The following RABGAP1L variants were observed in gnomAD, a reference collection of about 807,000 sequenced individuals.
RABGAP1L encodes the protein RAB GTPase activating protein 1 like.
Under a neutral mutation model 137.7 loss-of-function variants are expected in RABGAP1L, and 63 were observed. The ratio of observed to expected loss-of-function variants is 0.46; its 90% CI spans 0.37 to 0.56. RABGAP1L has a LOEUF of 0.56. RABGAP1L is among the 20% of genes least tolerant of loss of function. The pLI, the probability that RABGAP1L is intolerant of heterozygous loss-of-function variation, is 0.00. For missense variants in RABGAP1L, 1,095 were observed against 1,244.0 expected, an observed-to-expected ratio of 0.88 and a Z score of 1.80; for synonymous variants, 431 against 433.7, an observed-to-expected ratio of 0.99 and a Z score of 0.08.
chr1:174,925,848 G>GT (rs1662697472), intron 19 of RABGAP1L, among the ~76,000 whole-genome samples: 1 of 128,550 alleles, frequency 7.8e-6, no homozygotes, highest in East Asian at 2.3e-4. Flanking sequence ...GGTTTTTTGG[G>GT]TTTGTTGTTG....
intron 13 of RABGAP1L, among the ~76,000 whole-genome samples, chr1:174,471,824 A>C (rs1657974220): frequency 1.3e-5 from 2 of 152,186 alleles, no homozygotes; most frequent in South Asian, 4.1e-4. Context: ...TGGCGTTCAT[A>C]TATTGAACCC....
Position 174,872,563 on chromosome 1 carries a change from A to AT in RABGAP1L, c.2340+60617dup, listed in dbSNP as rs11321142. ...AGAATTTTATCTTTCTTATAGTTCT[A>AT]TTTTTTTTTTTTTTAAGAGGCAGCA... is the stretch of plus-strand genomic sequence containing the variant. On this transcript the variant is annotated intron_variant, in intron 19 of 25. Transcript: ENST00000681986. Among the ~76,000 whole-genome samples, 327 of 143,964 alleles carry AT rather than the reference A, an allele frequency of 2.3e-3. 1 individual carries two copies. Among genetic ancestry groups the AT allele is most frequent in the African/African-American group, 4.4e-3 (171 of 39,160 alleles). The allele number at this position is 143,964 out of a possible 152,430, so 94.4% of individuals were successfully genotyped here. A position where few individuals can be genotyped will look rare whatever the true frequency, so the allele number is the denominator to read the frequency against.
intron 1 of RABGAP1L, among the ~76,000 whole-genome samples, chr1:174,196,414 C>T (rs1218849220): frequency 6.6e-6 from 1 of 151,680 alleles, no homozygotes; most frequent in African/African-American, 2.4e-5. Context: ...TTGGTAGAGA[C>T]GGGGTTTCGC....
chr1:174,822,010 C>T (rs1691075748), intron 19 of RABGAP1L, among the ~76,000 whole-genome samples: 1 of 152,240 alleles, frequency 6.6e-6, no homozygotes, highest in Admixed American at 6.5e-5. Context: ...CGCCTGTAAT[C>T]CCAGCCCTTT....
intron 19 of RABGAP1L, among the ~76,000 whole-genome samples, chr1:174,888,117 C>T (rs1558192849): frequency 6.6e-6 from 1 of 151,932 alleles, no homozygotes; most frequent in African/African-American, 2.4e-5. Flanking sequence ...TTATTAAACA[C>T]ATTAAATAGC....
intron 1 of RABGAP1L, among the ~76,000 whole-genome samples, chr1:174,183,668 A>C (rs1218662774): frequency 6.6e-6 from 1 of 152,164 alleles, no homozygotes. Context: ...GATGTTATAC[A>C]TTCTATGGGT....
At chr1:174,870,528 A>G (rs983199427) in intron 19 of RABGAP1L, among the ~76,000 whole-genome samples, 14 of 152,196 alleles carry the variant, frequency 9.2e-5, no homozygotes, top group African/African-American at 2.7e-4. Flanking sequence ...CTTGCACACT[A>G]GAAACAGACA....
chr1:174,717,230 C>T (rs537871454), intron 17 of RABGAP1L, among the ~76,000 whole-genome samples: 21 of 151,988 alleles, frequency 1.4e-4, no homozygotes, highest in Non-Finnish European at 2.4e-4. Flanking sequence ...ATCAACGTGG[C>T]GAGACCCTGT....
chr1:174,467,984 A>T (rs868391936), intron 13 of RABGAP1L, among the ~76,000 whole-genome samples: 61 of 152,250 alleles, frequency 4.0e-4, no homozygotes, highest in African/African-American at 1.4e-3. Context: ...AATATTATAA[A>T]ATCGTGAAAT....
At chr1:174,529,771 T>G (rs979148252) in intron 13 of RABGAP1L, among the ~76,000 whole-genome samples, 1 of 152,142 alleles carries the variant, frequency 6.6e-6, no homozygotes, top group East Asian at 1.9e-4. Flanking sequence ...CATATTGGGT[T>G]GCTGCAATGG....
intron 20 of RABGAP1L, among the ~76,000 whole-genome samples, chr1:174,963,098 CAA>C (rs925551001): frequency 7.6e-6 from 1 of 131,212 alleles, no homozygotes; most frequent in Non-Finnish European, 1.6e-5. Context: ...GACTCCGTCT[CAA>C]AAAAAAAAAA....
At chr1:174,616,434 A>C (rs1671877643) in intron 13 of RABGAP1L, among the ~76,000 whole-genome samples, 1 of 152,214 alleles carries the variant, frequency 6.6e-6, no homozygotes, top group South Asian at 2.1e-4. Flanking sequence ...TGCTTCTCTA[A>C]TTCTGATTTA....
chr1:174,783,953 C>T (rs1430989100), intron 18 of RABGAP1L, among the ~76,000 whole-genome samples: 3 of 150,452 alleles, frequency 2.0e-5, no homozygotes, highest in Non-Finnish European at 3.0e-5. Context: ...CATGATCCTC[C>T]CGCCTCGCCC....
intron 18 of RABGAP1L, among the ~76,000 whole-genome samples, chr1:174,772,835 G>T (rs1244291145): frequency 6.6e-6 from 1 of 151,828 alleles, no homozygotes; most frequent in Non-Finnish European, 1.5e-5. Context: ...GAATTATATC[G>T]TATTTGTCTT....
At chr1:174,224,697 A>G (rs1012561655) in intron 3 of RABGAP1L, among the ~76,000 whole-genome samples, 20 of 152,152 alleles carry the variant, frequency 1.3e-4, no homozygotes, top group Admixed American at 7.2e-4. Flanking sequence ...ACATATACAT[A>G]CATTGAAAAA....
Position 174,936,971 on chromosome 1 carries a change from A to ATTTTTTT in RABGAP1L, c.2341-20468_2341-20462dup, listed in dbSNP as rs909397955. On this transcript the variant is annotated intron_variant, in intron 19 of 25. Coordinates refer to ENST00000681986, the MANE Select transcript of RABGAP1L (RefSeq NM_001366446.1). The stretch of plus-strand genomic sequence containing the variant: ...AAGGACCATAATTTTTATAAGATTA[A>ATTTTTTT]TTTTTTTTTTTTTTTTTTTTTTTTG... 8.8e-3 allele frequency among the ~76,000 whole-genome samples: 893 copies of ATTTTTTT among 101,494 alleles called. 37 individuals carry two copies. Among genetic ancestry groups the ATTTTTTT allele is most frequent in the African/African-American group, 0.032 (719 of 22,794 alleles). The allele number at this position is 101,494 out of a possible 152,430, so 66.6% of individuals were successfully genotyped here. A position where few individuals can be genotyped will look rare whatever the true frequency, so the allele number is the denominator to read the frequency against.
intron 13 of RABGAP1L, among the ~76,000 whole-genome samples, chr1:174,498,507 A>AT (rs1660947952): frequency 6.6e-6 from 1 of 151,474 alleles, no homozygotes; most frequent in African/African-American, 2.4e-5. Context: ...TTTATTTTTT[A>AT]TTTTTTTGAG....
intron 18 of RABGAP1L, among the ~76,000 whole-genome samples, chr1:174,780,712 T>TCCCCCCCC (rs1553251642): frequency 1.0e-4 from 9 of 87,092 alleles, no homozygotes; most frequent in Middle Eastern, 5.8e-3. Flanking sequence ...ATGCTATCCC[T>TCCCCCCCC]CCCCCCCACC....
intron 11 of RABGAP1L, among the ~76,000 whole-genome samples, chr1:174,350,270 C>T (rs1386120182): frequency 2.7e-4 from 34 of 123,942 alleles, no homozygotes; most frequent in South Asian, 1.8e-3. Context: ...GGCTGCCGGG[C>T]GGAGAGGCTC....
Sources: allele counts gnomAD v4.1 joint callset (sites outside exome capture counted in the v4.1 genomes callset), GRCh38; gene constraint gnomAD v4.1.1; transcripts MANE v1.5; gene names NCBI Gene and HGNC (gene_info 2026-07-23, HGNC 2026-07-21).